RAB3C: variants seen among roughly 807,000 people sequenced by gnomAD.
RAB3C encodes the protein ras-related protein Rab-3C.
RAB3C carries 17 observed loss-of-function variants against 26.4 expected under a neutral mutation model. The observed-to-expected ratio is 0.64, with a 90% CI of 0.44 to 0.97. RAB3C has a LOEUF of 0.97. RAB3C is among the 50% of genes least tolerant of loss of function. The pLI is 0.00. For missense variants in RAB3C, 242 were observed against 281.9 expected, an observed-to-expected ratio of 0.86 and a Z score of 1.01; for synonymous variants, 91 against 95.9, an observed-to-expected ratio of 0.95 and a Z score of 0.30.
chr5:58,669,990 C>T (rs1748080225), intron 2 of RAB3C, among the ~76,000 whole-genome samples: 1 of 152,164 alleles, frequency 6.6e-6, no homozygotes, highest in South Asian at 2.1e-4. Flanking sequence ...AGGCAATACT[C>T]AGCCATTTTC....
intron 3 of RAB3C, among the ~76,000 whole-genome samples, chr5:58,742,159 C>T (rs2111948425): frequency 6.6e-6 from 1 of 152,266 alleles, no homozygotes; most frequent in East Asian, 1.9e-4. Context: ...TCCCCTGGCC[C>T]TCTCAATACT....
At chr5:58,822,450 G>C in intron 3 of RAB3C, 1 of 158,180 alleles carries the variant, frequency 6.3e-6, no homozygotes, top group South Asian at 1.8e-4. Flanking sequence ...GCCTGGCATT[G>C]CTGGGCCTGC....
chr5:58,663,802 G>A (rs994698817), intron 2 of RAB3C, among the ~76,000 whole-genome samples: 10 of 152,166 alleles, frequency 6.6e-5, no homozygotes, highest in African/African-American at 2.4e-4. Flanking sequence ...AGCTGAAAAT[G>A]ATAAGAACTG....
chr5:58,610,808 A>C (rs1277501249), intron 1 of RAB3C, among the ~76,000 whole-genome samples: 3 of 152,070 alleles, frequency 2.0e-5, no homozygotes, highest in Admixed American at 6.6e-5. Flanking sequence ...GTATATAGGT[A>C]AATTTGTGTC....
At chr5:58,756,334 T>TAA (rs1307748435) in intron 3 of RAB3C, among the ~76,000 whole-genome samples, 64 of 139,206 alleles carry the variant, frequency 4.6e-4, no homozygotes, top group African/African-American at 1.4e-3. Flanking sequence ...TATATATATA[T>TAA]AACATATATA....
At chr5:58,599,556 G>C (rs1219681698) in intron 1 of RAB3C, among the ~76,000 whole-genome samples, 1 of 152,114 alleles carries the variant, frequency 6.6e-6, no homozygotes, top group Non-Finnish European at 1.5e-5. Context: ...CTCAGTGTGG[G>C]CTATCTCCAC....
intron 3 of RAB3C, among the ~76,000 whole-genome samples, chr5:58,794,986 C>T (rs549083722): frequency 6.6e-5 from 10 of 152,312 alleles, no homozygotes; most frequent in African/African-American, 2.2e-4. Context: ...GCTGTGTCCC[C>T]GCCCTAATCT....
chr5:58,836,486 A>AT (rs1743751079), intron 4 of RAB3C, among the ~76,000 whole-genome samples: 1 of 152,266 alleles, frequency 6.6e-6, no homozygotes, highest in African/African-American at 2.4e-5. Context: ...TACATCCCTT[A>AT]TCTGGCTGTA....
chr5:58,797,827 CAAGAT>C (rs1369566108), intron 3 of RAB3C, among the ~76,000 whole-genome samples: 1 of 152,108 alleles, frequency 6.6e-6, no homozygotes. Flanking sequence ...CTCCCATAGG[CAAGAT>C]AAGATTTGGC....
rs1385891342 is a variant in RAB3C, at chr5:58,852,265, C to T, written c.*914C>T. The T allele has an allele frequency of 1.3e-5, 2 of 152,158 alleles. No individual in the cohort carries two copies. The highest frequency in any genetic ancestry group is 4.8e-5 in the African/African-American group (2 of 41,408). The allele number at this position is 152,158 out of a possible 1,614,324, so 9.4% of individuals were successfully genotyped here. A position where few individuals can be genotyped will look rare whatever the true frequency, so the allele number is the denominator to read the frequency against. Reference sequence around the variant, plus strand: ...CCCCAACCCCCATAATGCACACCACCACCACCATCACTTTCTGGAACCATC... The same window carrying T: ...CCCCAACCCCCATAATGCACACCACTACCACCATCACTTTCTGGAACCATC... On this transcript the variant is annotated 3_prime_UTR_variant, in exon 5 of 5. Transcript: ENST00000282878.
At chr5:58,800,899 C>T (rs1742793316) in intron 3 of RAB3C, among the ~76,000 whole-genome samples, 1 of 152,118 alleles carries the variant, frequency 6.6e-6, no homozygotes, top group East Asian at 1.9e-4. Context: ...ATGGACTTCC[C>T]ACATCAATTC....
intron 3 of RAB3C, among the ~76,000 whole-genome samples, chr5:58,756,389 T>TATATATATAACTACTATATAAC: frequency 7.9e-6 from 1 of 126,484 alleles, no homozygotes; most frequent in Non-Finnish European, 1.6e-5. Flanking sequence ...CTATATAACA[T>TATATATATAACTACTATATAAC]ATATATATAT....
chr5:58,666,162 T>A lies in RAB3C; in HGVS notation c.252+48292T>A, dbSNP rs542520674. Among the ~76,000 whole-genome samples, 2 of 152,326 alleles carry A rather than the reference T, an allele frequency of 1.3e-5. 1 individual carries two copies. Among genetic ancestry groups the A allele is most frequent in the South Asian group, 4.1e-4 (2 of 4,832 alleles). On this transcript the variant is annotated intron_variant, in intron 2 of 4. Transcript: ENST00000282878. ...ATGAAACAATAGTAGACAGCTATAATTATTTGGTTAGGGATTGCATAGGGT... is the reference window on the plus strand; with the variant it reads ...ATGAAACAATAGTAGACAGCTATAAATATTTGGTTAGGGATTGCATAGGGT...
Position 58,617,778 on chromosome 5 carries a change from T to G in RAB3C, c.160T>G (p.Ser54Ala), listed in dbSNP as rs760706429. The change falls in exon 2 of 5, where the codon TCC becomes GCC. Residue 54 changes from serine (S) to alanine (A), a missense_variant. Ser to Ala is a moderately conservative substitution (Grantham distance 99, BLOSUM62 1). Coordinates refer to ENST00000282878, the MANE Select transcript of RAB3C (RefSeq NM_138453.4). ...TTTTCTATTCCGTTATGCAGATGAC[T>G]CCTTTACATCTGCATTCGTCAGCAC... ...TSFLFRYADD[S>A]FTSAFVSTVG... 2.0e-5 allele frequency: 33 copies of G among 1,612,756 alleles called. 1 individual carries two copies. The South Asian group carries it at 3.6e-4, about 18-fold the overall frequency.
intron 3 of RAB3C, among the ~76,000 whole-genome samples, chr5:58,808,187 T>G (rs1345737250): frequency 7.1e-6 from 1 of 140,960 alleles, no homozygotes; most frequent in Non-Finnish European, 1.5e-5. Flanking sequence ...ATCGCTCCAC[T>G]GCACTCCAGC....
At chr5:58,822,732 A>T (rs1467384575) in intron 3 of RAB3C, 2 of 490,050 alleles carry the variant, frequency 4.1e-6, no homozygotes, top group African/African-American at 3.9e-5. Flanking sequence ...TAGTCTGCGC[A>T]GCATATGTAC....
At chr5:58,811,365 ATGTGTG>A (rs1201619166) in intron 3 of RAB3C, among the ~76,000 whole-genome samples, 1 of 148,246 alleles carries the variant, frequency 6.7e-6, no homozygotes, top group Non-Finnish European at 1.5e-5. Flanking sequence ...ATGTGTGTGT[ATGTGTG>A]TGTGTGTCTG....
In RAB3C at chr5:58,592,747, C is replaced by G. The variant is rs570568155; in HGVS notation, c.24+9515C>G. 2.6e-5 allele frequency among the ~76,000 whole-genome samples: 4 copies of G among 152,122 alleles called. No individual in the cohort carries two copies. In the East Asian group the frequency reaches 7.7e-4, roughly 29 times the overall value. On this transcript the variant is annotated intron_variant, in intron 1 of 4. Transcript: ENST00000282878. The stretch of plus-strand genomic sequence containing the variant: ...ATATGCTGTTTCGTTGTCTGCTGAT[C>G]TCCTTTATAATGTGAGTTCAGCTGT...
upstream of RAB3C, chr5:58,582,995 G>A (rs779388564): frequency 2.0e-4 from 270 of 1,337,134 alleles, 1 homozygote; most frequent in Non-Finnish European, 2.5e-4. Flanking sequence ...GGGAACACCC[G>A]GAGGGCGAGA....
Sources: gnomAD v4.1 joint callset for allele counts (sites outside exome capture counted in the v4.1 genomes callset) on GRCh38, gnomAD v4.1.1 for gene constraint, MANE v1.5 for transcripts, NCBI Gene and HGNC (gene_info 2026-07-23, HGNC 2026-07-21) for gene names.